The following OVCH1 variants were observed in gnomAD, a reference collection of about 807,000 sequenced individuals.
OVCH1 encodes ovochymase 1.
In OVCH1, 139 loss-of-function variants were observed where a neutral mutation model predicts 138.4. The ratio of observed to expected loss-of-function variants is 1.00; its 90% CI spans 0.87 to 1.16. The LOEUF is 1.16. OVCH1 is among the 50% of genes most tolerant of loss of function. The probability of loss-of-function intolerance (pLI) is 0.00; values close to 1 mark genes in which losing one functional copy is unlikely to be tolerated. For synonymous variants in OVCH1, 453 were observed against 467.8 expected (o/e 0.97, Z 0.41); for missense variants, 1,367 against 1,357.9 (o/e 1.01, Z -0.11).
chr12:29,453,249 C>A (rs1941849362), intron 21 of OVCH1, among the ~76,000 whole-genome samples: 1 of 152,060 alleles, frequency 6.6e-6, no homozygotes, highest in Non-Finnish European at 1.5e-5. Context: ...TCTATGTATC[C>A]CCAGCTTTGA....
intron 26 of OVCH1, among the ~76,000 whole-genome samples, chr12:29,434,061 G>A (rs967194053): frequency 2.0e-5 from 3 of 152,094 alleles, no homozygotes; most frequent in East Asian, 1.9e-4. Flanking sequence ...ATAGTTACCC[G>A]TTTTCATAAT....
downstream of OVCH1, among the ~76,000 whole-genome samples, chr12:29,409,344 T>G (rs539234490): frequency 6.6e-6 from 1 of 152,344 alleles, no homozygotes; most frequent in South Asian, 2.1e-4. Flanking sequence ...TCTTGCCTTC[T>G]GCTAGCTTTT....
chr12:29,454,239 AC>A (rs1047447136), intron 21 of OVCH1, among the ~76,000 whole-genome samples: 11 of 152,108 alleles, frequency 7.2e-5, no homozygotes, highest in Non-Finnish European at 1.5e-4. Flanking sequence ...TCTATATCTT[AC>A]ATTTTCTTTA....
intron 18 of OVCH1, among the ~76,000 whole-genome samples, chr12:29,462,718 C>G (rs551853586): frequency 3.2e-4 from 48 of 152,094 alleles, no homozygotes; most frequent in African/African-American, 1.1e-3. Context: ...TTATTCCAAC[C>G]TAATAATACA....
At chr12:29,483,386 G>A (rs1241277317) in intron 8 of OVCH1, among the ~76,000 whole-genome samples, 1 of 152,180 alleles carries the variant, frequency 6.6e-6, no homozygotes, top group Admixed American at 6.5e-5. Context: ...AGTCAGTTTA[G>A]ACCATTAAGC....
At chr12:29,422,637 A>G (rs942457114), downstream of OVCH1, among the ~76,000 whole-genome samples, 4 of 152,216 alleles carry the variant, frequency 2.6e-5, no homozygotes, top group Admixed American at 6.5e-5. Context: ...AGGTTTTTAA[A>G]TCTTAAGCAC....
chr12:29,461,595 T>C (rs1283476077), intron 19 of OVCH1: 7 of 521,868 alleles, frequency 1.3e-5, no homozygotes, highest in Non-Finnish European at 2.1e-5. Flanking sequence ...AGCTCTGCCA[T>C]TTCCTGCCTT....
At chr12:29,443,618 G>A (rs556871878) in intron 24 of OVCH1, 118 bp from the exon 25 acceptor site, 61 of 1,014,762 alleles carry the variant, frequency 6.0e-5, no homozygotes, top group Non-Finnish European at 7.6e-5. Context: ...TATTTTTTGT[G>A]TCTGTTTCCT....
chr12:29,465,186 A>G (rs367643883), exon 17 of OVCH1: 900 of 1,605,462 alleles, frequency 5.6e-4, no homozygotes, highest in Non-Finnish European at 7.3e-4. Flanking sequence ...CATGGTCCCC[A>G]GCAATAATAG....
At chr12:29,405,021 CA>C in the OVCH1 span, among the ~76,000 whole-genome samples, 19 of 80,424 alleles carry the variant, frequency 2.4e-4, no homozygotes, top group East Asian at 4.5e-4. Flanking sequence ...CACTCCACCT[CA>C]AAAAAAAAAA....
intron 19 of OVCH1, among the ~76,000 whole-genome samples, chr12:29,457,387 ATTTTTTTTTTTTTTT>A (rs57856732): frequency 4.4e-5 from 3 of 68,820 alleles, no homozygotes; most frequent in African/African-American, 1.8e-4. Flanking sequence ...AAACAAATGA[ATTTTTTTTTTTTTTT>A]TTTTTTTTTT....
the OVCH1 span, among the ~76,000 whole-genome samples, chr12:29,407,254 G>T: frequency 7.6e-6 from 1 of 132,414 alleles, no homozygotes. Flanking sequence ...CATTTTGTGG[G>T]TTGCCTGTTC....
chr12:29,429,466 G>A (rs1941232644), intron 27 of OVCH1, among the ~76,000 whole-genome samples: 3 of 152,196 alleles, frequency 2.0e-5, no homozygotes, highest in South Asian at 2.1e-4. Context: ...GGCCAATGTA[G>A]GTCATGTTTT....
At chr12:29,419,516 G>A (rs868810857) in intron 3 of OVCH1, among the ~76,000 whole-genome samples, 11 of 151,574 alleles carry the variant, frequency 7.3e-5, no homozygotes, top group African/African-American at 2.2e-4. Context: ...GGATGGTCTC[G>A]ATCTCCTGAC....
intron 3 of OVCH1, among the ~76,000 whole-genome samples, chr12:29,414,850 A>G (rs1477764419): frequency 6.6e-6 from 1 of 152,194 alleles, no homozygotes; most frequent in Non-Finnish European, 1.5e-5. Context: ...ATCCATTAAA[A>G]TTAATTATAT....
intron 16 of OVCH1, among the ~76,000 whole-genome samples, chr12:29,466,286 C>T (rs935084522): frequency 3.5e-5 from 5 of 144,668 alleles, no homozygotes; most frequent in East Asian, 2.0e-4. Flanking sequence ...AGAGAAAATA[C>T]GTTTCTCTTA....
intron 27 of OVCH1, chr12:29,430,787 T>G (rs1941254108): frequency 5.2e-6 from 2 of 387,860 alleles, no homozygotes; most frequent in Non-Finnish European, 5.2e-6. Flanking sequence ...GCCTGTGGAG[T>G]CTGCACACCA....
chr12:29,418,715 C>A (rs1592023163), intron 3 of OVCH1, among the ~76,000 whole-genome samples: 1 of 152,140 alleles, frequency 6.6e-6, no homozygotes, highest in East Asian at 1.9e-4. Context: ...TCACTGCTTC[C>A]CATGTTCCAG....
At chr12:29,415,042 T>C (rs1941014057) in intron 3 of OVCH1, among the ~76,000 whole-genome samples, 1 of 152,098 alleles carries the variant, frequency 6.6e-6, no homozygotes, top group African/African-American at 2.4e-5. Context: ...AAATTACAGG[T>C]GGGAAGTGTC....
Sources: allele counts gnomAD v4.1 joint callset (sites outside exome capture counted in the v4.1 genomes callset), GRCh38; gene constraint gnomAD v4.1.1; transcripts MANE v1.5; gene names NCBI Gene and HGNC (gene_info 2026-07-23, HGNC 2026-07-21).